The following TNR variants were observed in gnomAD, a reference collection of about 807,000 sequenced individuals.
The protein encoded by TNR is tenascin-R.
TNR carries 45 observed loss-of-function variants against 150.4 expected under a neutral mutation model. That is an observed-to-expected ratio of 0.30 (90% confidence interval 0.24 to 0.38). The LOEUF (loss-of-function observed/expected upper bound fraction) is 0.38, where lower values mean the gene tolerates loss of function less well. Ranked by LOEUF, TNR falls within the 10% of genes least tolerant of loss-of-function variation. TNR has a pLI of 1.00. For missense variants in TNR, 1,544 were observed against 1,759.1 expected (o/e 0.88, Z 2.19); for synonymous variants, 687 against 678.4 (o/e 1.01, Z -0.20).
chr1:175,502,534 C>T (rs1658782407), intron 2 of TNR, among the ~76,000 whole-genome samples: 1 of 152,102 alleles, frequency 6.6e-6, no homozygotes, highest in Non-Finnish European at 1.5e-5. Context: ...TGACTGAGGC[C>T]TCAGTTAAAG....
At chr1:175,506,132 C>T (rs979595964) in intron 2 of TNR, among the ~76,000 whole-genome samples, 1 of 152,178 alleles carries the variant, frequency 6.6e-6, no homozygotes, top group Admixed American at 6.5e-5. Flanking sequence ...GGAAGCCATC[C>T]TTAGTGGCAC....
At chr1:175,540,488 G>T (rs558948745) in intron 1 of TNR, among the ~76,000 whole-genome samples, 12 of 152,316 alleles carry the variant, frequency 7.9e-5, no homozygotes, top group Admixed American at 2.6e-4. Flanking sequence ...TTATGGCTAA[G>T]GAAAGGGCCT....
At chr1:175,556,168 A>C (rs1463026210) in intron 1 of TNR, among the ~76,000 whole-genome samples, 1 of 152,212 alleles carries the variant, frequency 6.6e-6, no homozygotes, top group Non-Finnish European at 1.5e-5. Flanking sequence ...CTCCTTGGCC[A>C]CTGGGGAAGG....
At chr1:175,438,789 A>G (rs1339212226) in intron 2 of TNR, among the ~76,000 whole-genome samples, 1 of 152,214 alleles carries the variant, frequency 6.6e-6, no homozygotes, top group Non-Finnish European at 1.5e-5. Context: ...TACAAAGAGA[A>G]TAAAATACCT....
chr1:175,608,550 T>C (rs945057585), intron 1 of TNR, among the ~76,000 whole-genome samples: 2 of 152,190 alleles, frequency 1.3e-5, no homozygotes, highest in Non-Finnish European at 2.9e-5. Flanking sequence ...AATTGAAAAT[T>C]AAGGATTTAT....
intron 1 of TNR, among the ~76,000 whole-genome samples, chr1:175,720,573 G>A (rs1454616547): frequency 7.2e-5 from 11 of 152,224 alleles, no homozygotes; most frequent in Non-Finnish European, 1.5e-5. Flanking sequence ...AAAGGAAGTA[G>A]ATGTTTCAAT....
At chr1:175,502,604 C>T (rs1294533971) in intron 2 of TNR, among the ~76,000 whole-genome samples, 3 of 152,084 alleles carry the variant, frequency 2.0e-5, no homozygotes, top group Admixed American at 2.0e-4. Flanking sequence ...TCTTAGAGGC[C>T]CATCTCCCAA....
chr1:175,598,904 T>A (rs958080108), intron 1 of TNR, among the ~76,000 whole-genome samples: 5 of 152,204 alleles, frequency 3.3e-5, no homozygotes, highest in African/African-American at 1.2e-4. Flanking sequence ...CTCTAATGAA[T>A]CTGTAAGCTC....
chr1:175,666,197 G>A (rs899499347), intron 1 of TNR, among the ~76,000 whole-genome samples: 5 of 152,168 alleles, frequency 3.3e-5, no homozygotes, highest in Non-Finnish European at 5.9e-5. Context: ...GAGGTTGTAC[G>A]ACTTGCCCAA....
chr1:175,383,603 A>G (rs1172517456), intron 8 of TNR, among the ~76,000 whole-genome samples: 1 of 152,240 alleles, frequency 6.6e-6, no homozygotes, highest in Non-Finnish European at 1.5e-5. Flanking sequence ...CCAAGCAAAT[A>G]TCCACTCACC....
rs148594353 is a variant in TNR, at chr1:175,392,548, T to C, written c.1357-1110A>G. ...TTCCTGAAAAACATTGGTAGCAATG[T>C]TCCATTCCAATTGACATGATCGTTT... On this transcript the variant is annotated intron_variant, in intron 6 of 22. Transcript: ENST00000367674. Among the ~76,000 whole-genome samples the C allele has an allele frequency of 2.5e-3, 383 of 152,340 alleles. 3 individuals are homozygous for C. Among genetic ancestry groups the C allele is most frequent in the African/African-American group, 8.8e-3 (365 of 41,570 alleles).
chr1:175,657,684 A>G (rs996338292), intron 1 of TNR, among the ~76,000 whole-genome samples: 5 of 142,234 alleles, frequency 3.5e-5, no homozygotes, highest in African/African-American at 7.9e-5. Context: ...AAAACCAAAC[A>G]CCGCATGTTC....
chr1:175,558,112 G>A (rs1258507202), intron 1 of TNR, among the ~76,000 whole-genome samples: 1 of 119,708 alleles, frequency 8.4e-6, no homozygotes, highest in Non-Finnish European at 1.7e-5. Flanking sequence ...TCACCCTCTG[G>A]GGACTGTTGT....
intron 1 of TNR, among the ~76,000 whole-genome samples, chr1:175,733,333 G>A (rs2101955629): frequency 6.6e-6 from 1 of 152,272 alleles, no homozygotes; most frequent in Admixed American, 6.5e-5. Context: ...GTGGAACAGG[G>A]TGAGTGCAGA....
chr1:175,711,856 C>T (rs1667027357), intron 1 of TNR, among the ~76,000 whole-genome samples: 1 of 152,074 alleles, frequency 6.6e-6, no homozygotes, highest in South Asian at 2.1e-4. Context: ...GAGTTGTGGG[C>T]AGGGCATGTT....
chr1:175,430,419 T>G (rs1278098065), intron 2 of TNR, among the ~76,000 whole-genome samples: 1 of 152,234 alleles, frequency 6.6e-6, no homozygotes, highest in African/African-American at 2.4e-5. Context: ...AACATTTGTT[T>G]TCTCATATTG....
At chr1:175,517,043 G>T (rs1659438527) in intron 2 of TNR, among the ~76,000 whole-genome samples, 1 of 150,692 alleles carries the variant, frequency 6.6e-6, no homozygotes, top group African/African-American at 2.5e-5. Flanking sequence ...GAGAGAGAGA[G>T]AGAGAGAGAG....
intron 3 of TNR, among the ~76,000 whole-genome samples, chr1:175,405,803 G>A (rs549090176): frequency 6.6e-6 from 1 of 152,236 alleles, no homozygotes; most frequent in South Asian, 2.1e-4. Context: ...GCATTCTCTA[G>A]TCCCTCAGGT....
chr1:175,657,161 A>T, intron 1 of TNR, among the ~76,000 whole-genome samples: 1 of 152,218 alleles, frequency 6.6e-6, no homozygotes, highest in South Asian at 2.1e-4. Flanking sequence ...GGATGTTCTG[A>T]GGTCCCCATC....
Sources: allele counts gnomAD v4.1 joint callset (sites outside exome capture counted in the v4.1 genomes callset), GRCh38; gene constraint gnomAD v4.1.1; transcripts MANE v1.5; gene names NCBI Gene and HGNC (gene_info 2026-07-23, HGNC 2026-07-21).